LSM14B: variants seen among roughly 807,000 people sequenced by gnomAD.
The protein encoded by LSM14B is LSM family member 14B.
A neutral mutation model predicts 42.1 loss-of-function variants in LSM14B; 8 were observed. That is an observed-to-expected ratio of 0.19 (90% confidence interval 0.11 to 0.34). The LOEUF (loss-of-function observed/expected upper bound fraction) is 0.34, where lower values mean the gene tolerates loss of function less well. Among genes scored for constraint, LSM14B ranks in the 10% least tolerant of loss-of-function variants. LSM14B has a pLI of 1.00. For missense variants in LSM14B, 396 were observed against 513.1 expected, an observed-to-expected ratio of 0.77 and a Z score of 2.21; for synonymous variants, 219 against 209.7, an observed-to-expected ratio of 1.04 and a Z score of -0.38.
Position 62,129,858 on chromosome 20 carries a change from C to G in LSM14B, c.501C>G (p.Asp167Glu). ...VEQAVQTGSA[D>E]NLNAKKLLPG... ...AGGCTGTGCAGACTGGTTCTGCTGA[C>G]AACCTGAATGCTAAAAAGCTGTTAC... Residue 167 changes from aspartate to glutamate, a missense_variant, in exon 4 of 9, where the codon GAC becomes GAG. Physicochemically the swap from Asp to Glu is conservative, Grantham distance 45 (BLOSUM62 2). This residue lies in a region of LSM14B where 274 missense variants were observed against 335.8 expected (regional missense o/e 0.82). Transcript: ENST00000279068. 6.2e-7 allele frequency: 1 copy of G among 1,612,704 alleles called. No individual in the cohort carries two copies. Among genetic ancestry groups the G allele is most frequent in the Non-Finnish European group, 8.5e-7 (1 of 1,179,418 alleles).
At chr20:62,127,793 A>G (rs2056648590) in intron 3 of LSM14B, 1 of 955,746 alleles carries the variant, frequency 1.0e-6, no homozygotes, top group African/African-American at 1.6e-5. Context: ...TAGCTGTAGC[A>G]GATCATTTGC....
rs1378750078 is a variant in LSM14B at position 62,126,566 on chromosome 20, CTTAGTAAA to C, written c.427+131_427+138del. ...AGCTTGTAGACTGTTTTGTTGCACA[CTTAGTAAA>C]TTACCCAGTGCAACTTCCGCTTGTG... is the stretch of plus-strand genomic sequence containing the variant. On this transcript the variant is annotated intron_variant, in intron 3 of 8. Transcript: ENST00000279068. 10 of 1,263,008 alleles carry C rather than the reference CTTAGTAAA, an allele frequency of 7.9e-6. No individual in the cohort carries two copies. The African/African-American group carries it at 8.9e-5, about 11-fold the overall frequency. The allele number at this position is 1,263,008 out of a possible 1,614,324, so 78.2% of individuals were successfully genotyped here.
intron 1 of LSM14B, among the ~76,000 whole-genome samples, chr20:62,123,809 C>T (rs2056496018): frequency 6.6e-6 from 1 of 152,194 alleles, no homozygotes. Flanking sequence ...TTTTGAAGCC[C>T]GTCTCCTGCG....
intron 3 of LSM14B, chr20:62,127,745 T>C: frequency 7.5e-7 from 1 of 1,330,454 alleles, no homozygotes; most frequent in African/African-American, 1.5e-5. Context: ...TGCAAACCAT[T>C]CTGAGAGCGA....
chr20:62,122,735 C>T lies in LSM14B; in HGVS notation c.69C>T (p.Arg23=), dbSNP rs1330781566. The T allele has an allele frequency of 6.5e-7, 1 of 1,527,186 alleles. No homozygotes were observed. The highest frequency in any genetic ancestry group is 1.9e-5 in the Admixed American group (1 of 51,952). The allele number at this position is 1,527,186 out of a possible 1,614,324, so 94.6% of individuals were successfully genotyped here. The change falls in exon 1 of 9, where the codon CGC becomes CGT. Residue 23 remains arginine, a synonymous_variant. Transcript: ENST00000279068. The surrounding 1 kb of genome is among the most constrained non-coding windows in gnomAD (Gnocchi z 4.6). ...KISLISKAQI[R]YEGILYTIDT... is the part of the protein sequence containing the mutation. ...GCCTCATCTCCAAGGCGCAGATCCG[C>T]TACGAGGGCATTCTCTACACCATCG...
At chr20:62,127,579 C>T (rs993941298) in intron 3 of LSM14B, 11 of 1,543,230 alleles carry the variant, frequency 7.1e-6, no homozygotes, top group Non-Finnish European at 9.6e-6. Context: ...CTTTATCTTC[C>T]TTTAGAGAAG....
Position 62,131,407 on chromosome 20 carries a change from G to A in LSM14B, c.887G>A (p.Ser296Asn), listed in dbSNP as rs1327370709. ...AAGGACCTGGCTGTGGTGACCCAGAGTGCCGAAGCGCCCGCTGAGGAAGAC... is the reference window on the plus strand; with the variant it reads ...AAGGACCTGGCTGTGGTGACCCAGAATGCCGAAGCGCCCGCTGAGGAAGAC... ...EEKDLAVVTQ[S>N]AEAPAEEDLL... Residue 296 changes from serine to asparagine, a missense_variant, in exon 7 of 9, where the codon AGT becomes AAT. Ser to Asn is a conservative substitution (Grantham distance 46, BLOSUM62 1). Around this residue, in one of 3 missense-constraint regions of LSM14B, gnomAD observed 118 missense variants for 156.4 expected, o/e 0.75. Coordinates refer to ENST00000279068, the MANE Select transcript of LSM14B (RefSeq NM_144703.3). 6.2e-7 allele frequency: 1 copy of A among 1,612,850 alleles called. No individual in the cohort carries two copies. Among genetic ancestry groups the A allele is most frequent in the African/African-American group, 1.3e-5 (1 of 74,936 alleles).
chr20:62,122,861 C>T lies in LSM14B; in HGVS notation c.127+68C>T. The T allele has an allele frequency of 2.3e-6, 3 of 1,299,516 alleles. No individual in the cohort carries two copies. Among genetic ancestry groups the T allele is most frequent in the South Asian group, 3.8e-5 (2 of 52,130 alleles). 80.5% of individuals were successfully genotyped at this position (1,299,516 alleles called of 1,614,324 possible). ...CAACAGCCCCGGCCTGCGGTGCCCT[C>T]CCCGCCCCGGGGCGCCCCGGAGCCT... On this transcript the variant is annotated intron_variant, in intron 1 of 8. Coordinates refer to ENST00000279068, the MANE Select transcript of LSM14B (RefSeq NM_144703.3). The surrounding 1 kb of genome is among the most constrained non-coding windows in gnomAD (Gnocchi z 4.6).
chr20:62,130,358 C>T lies in LSM14B; in HGVS notation c.673+62C>T. ...AGTGATCAGGCTGAGCTCTGCTTGC[C>T]CTCCTGCCTGCTTCTCTGGTTGACG... is the stretch of plus-strand genomic sequence containing the variant. On this transcript the variant is annotated intron_variant, in intron 5 of 8. Coordinates refer to ENST00000279068, the MANE Select transcript of LSM14B (RefSeq NM_144703.3). This position sits in a 1 kb window ranked among gnomAD's most constrained non-coding sequence, Gnocchi z 4.1. The T allele has an allele frequency of 4.5e-6, 7 of 1,545,244 alleles. No individual in the cohort carries two copies. The highest frequency in any genetic ancestry group is 2.4e-5 in the East Asian group (1 of 41,314).
At chr20:62,126,133 A>G (rs2056592846) in intron 2 of LSM14B, 171 bp from the exon 3 acceptor site, 1 of 803,744 alleles carries the variant, frequency 1.2e-6, no homozygotes, top group Middle Eastern at 3.4e-4. Context: ...ATGCTGTGGA[A>G]AAGGCAGCTC....
At position 62,134,554 on chromosome 20, in the gene LSM14B, A is replaced by C. The variant is rs1303894293; in HGVS notation, c.*406A>C. 2 of 304,226 alleles carry C rather than the reference A, an allele frequency of 6.6e-6. No homozygotes were observed. The highest frequency in any genetic ancestry group is 1.2e-5 in the Non-Finnish European group (2 of 160,776). 18.8% of individuals were successfully genotyped at this position (304,226 alleles called of 1,614,324 possible). A position where few individuals can be genotyped will look rare whatever the true frequency, so the allele number is the denominator to read the frequency against. ...GTTGGCAGAGGTGGCAGCCAAGTAC[A>C]TCTCTGTAACCCAGCTGGCCCCTGG... is the stretch of plus-strand genomic sequence containing the variant. On this transcript the variant is annotated 3_prime_UTR_variant, in exon 9 of 9. Coordinates refer to ENST00000279068, the MANE Select transcript of LSM14B (RefSeq NM_144703.3).
chr20:62,122,605 C>T lies in LSM14B; in HGVS notation c.-62C>T, dbSNP rs1719212489. The T allele has an allele frequency of 2.9e-6, 3 of 1,049,266 alleles. No individual in the cohort carries two copies. Among genetic ancestry groups the T allele is most frequent in the Non-Finnish European group, 3.5e-6 (3 of 865,984 alleles). 65.0% of individuals were successfully genotyped at this position (1,049,266 alleles called of 1,614,324 possible). A position where few individuals can be genotyped will look rare whatever the true frequency, so the allele number is the denominator to read the frequency against. On this transcript the variant is annotated 5_prime_UTR_variant, in exon 1 of 9. Coordinates refer to ENST00000279068, the MANE Select transcript of LSM14B (RefSeq NM_144703.3). This position sits in a 1 kb window ranked among gnomAD's most constrained non-coding sequence, Gnocchi z 4.6. Reference sequence around the variant, plus strand: ...GGGCGGCCAGGCCACCGCGCGGCGGCGGAGCGGGCCGCGGCCCGGCGCTCC... The same window carrying T: ...GGGCGGCCAGGCCACCGCGCGGCGGTGGAGCGGGCCGCGGCCCGGCGCTCC...
Position 62,124,602 on chromosome 20 carries a change from TTC to T in LSM14B, c.128-12_128-11del. 1.9e-6 allele frequency: 3 copies of T among 1,611,898 alleles called. No homozygotes were observed. Among genetic ancestry groups the T allele is most frequent in the Non-Finnish European group, 2.5e-6 (3 of 1,178,698 alleles). On this transcript the variant is annotated splice_polypyrimidine_tract_variant and intron_variant, in intron 1 of 8. Transcript: ENST00000279068. ...CTGAGGACAACAATAACGCTTCTCT[TTC>T]TCCACTCATAAGTGAGGTCCTTTGG...
Position 62,122,592 on chromosome 20 carries a change from C to A in LSM14B, c.-75C>A. 9.9e-7 allele frequency: 1 copy of A among 1,014,270 alleles called. No homozygotes were observed. The highest frequency in any genetic ancestry group is 1.2e-6 in the Non-Finnish European group (1 of 842,178). The allele number at this position is 1,014,270 out of a possible 1,614,324, so 62.8% of individuals were successfully genotyped here. On this transcript the variant is annotated 5_prime_UTR_variant, in exon 1 of 9. Coordinates refer to ENST00000279068, the MANE Select transcript of LSM14B (RefSeq NM_144703.3). The surrounding 1 kb of genome is among the most constrained non-coding windows in gnomAD (Gnocchi z 4.6). ...GGAGCGCAGGAGCGGGCGGCCAGGC[C>A]ACCGCGCGGCGGCGGAGCGGGCCGC...
At chr20:62,123,012 G>A (rs1233840287) in intron 1 of LSM14B, 2 of 270,288 alleles carry the variant, frequency 7.4e-6, no homozygotes, top group East Asian at 7.1e-5. Flanking sequence ...AGCGTAGCCG[G>A]CCGCACAATG....
At chr20:62,129,666 A>G in intron 3 of LSM14B, 119 bp from the exon 4 acceptor site, 1 of 1,108,642 alleles carries the variant, frequency 9.0e-7, no homozygotes. Flanking sequence ...ATTTGATAGA[A>G]CATCTAGGCA....
At chr20:62,123,104 T>TGCCGCCCCCTCGGC (rs1363270741) in intron 1 of LSM14B, 2 of 158,082 alleles carry the variant, frequency 1.3e-5, no homozygotes, top group African/African-American at 4.8e-5. Context: ...GCCCCCGCGG[T>TGCCGCCCCCTCGGC]GCCGCCCCCT....
intron 7 of LSM14B, among the ~76,000 whole-genome samples, chr20:62,132,472 T>C (rs1436161869): frequency 6.6e-6 from 1 of 152,130 alleles, no homozygotes; most frequent in Non-Finnish European, 1.5e-5. Context: ...ACTGGCCAGT[T>C]AGGGGCCAGT....
chr20:62,128,531 A>G (rs192581275), intron 3 of LSM14B, among the ~76,000 whole-genome samples: 2 of 152,250 alleles, frequency 1.3e-5, no homozygotes, highest in African/African-American at 4.8e-5. Context: ...AGATACTTCT[A>G]TTGCTCTTAG....
Sources: gnomAD v4.1 joint callset for allele counts (sites outside exome capture counted in the v4.1 genomes callset) on GRCh38, gnomAD v4.1.1 for gene constraint, gnomAD v4.1.1 regional missense constraint, Gnocchi (gnomAD v3.1) non-coding constraint, MANE v1.5 for transcripts, NCBI Gene and HGNC (gene_info 2026-07-23, HGNC 2026-07-21) for gene names.